Variants in SEMA3E observed in about 807,000 individuals in gnomAD.
SEMA3E encodes the protein semaphorin 3E, also known as semaphorin-3E.
Under a neutral mutation model 93.6 loss-of-function variants are expected in SEMA3E, and 49 were observed. That is an observed-to-expected ratio of 0.52 (90% CI 0.42 to 0.66). The LOEUF is 0.66. Among genes scored for constraint, SEMA3E ranks in the 30% least tolerant of loss-of-function variants. The pLI, the probability that SEMA3E is intolerant of heterozygous loss-of-function variation, is 0.00. For missense variants in SEMA3E, 906 were observed against 964.8 expected (o/e 0.94, Z 0.81); for synonymous variants, 363 against 330.7 (o/e 1.10, Z -1.06).
rs532180668 is a variant in SEMA3E at position 83,396,548 on chromosome 7, GA to G, written c.1458+89del. 0.011 allele frequency: 8,155 copies of G among 748,890 alleles called. 62 individuals are homozygous for G. Among genetic ancestry groups the G allele is most frequent in the Non-Finnish European group, 0.015 (6,646 of 433,860 alleles). The allele number at this position is 748,890 out of a possible 1,614,324, so 46.4% of individuals were successfully genotyped here. On this transcript the variant is annotated intron_variant, in intron 12 of 16. Transcript: ENST00000643230. ...CTGAATCCACAACATACCTGTTAGGGAAAAAAAAATGGACATAGTATCTTTC... is the reference window on the plus strand; with the variant it reads ...CTGAATCCACAACATACCTGTTAGGGAAAAAAAATGGACATAGTATCTTTC...
chr7:83,620,098 A>G (rs1281146172), intron 1 of SEMA3E, among the ~76,000 whole-genome samples: 2 of 151,968 alleles, frequency 1.3e-5, no homozygotes, highest in East Asian at 1.9e-4. Flanking sequence ...TTCTCATTTT[A>G]TATGGCCTCC....
At chr7:83,446,932 A>C (rs1789243314) in intron 4 of SEMA3E, among the ~76,000 whole-genome samples, 1 of 152,222 alleles carries the variant, frequency 6.6e-6, no homozygotes, top group Non-Finnish European at 1.5e-5. Context: ...CTATTTATTA[A>C]TATTCTTATT....
At chr7:83,557,533 T>C (rs1791944092) in intron 1 of SEMA3E, among the ~76,000 whole-genome samples, 1 of 152,002 alleles carries the variant, frequency 6.6e-6, no homozygotes, top group Non-Finnish European at 1.5e-5. Context: ...CCAAAGATCT[T>C]TTCATTAATA....
intron 1 of SEMA3E, among the ~76,000 whole-genome samples, chr7:83,510,098 A>G (rs569899436): frequency 4.1e-4 from 63 of 152,290 alleles, no homozygotes; most frequent in African/African-American, 1.5e-3. Context: ...GTTGATCCTC[A>G]CATTCTTGAG....
rs530195491 is a variant in SEMA3E, at chr7:83,412,842, A to C, written c.551-4355T>G. Among the ~76,000 whole-genome samples the C allele has an allele frequency of 8.5e-5, 13 of 152,098 alleles. No individual in the cohort carries two copies. The South Asian group carries it at 2.7e-3, about 32-fold the overall frequency. Reference sequence around the variant, plus strand: ...GAGAGAAAATATCAAACGAAAGAAAAGGCTATTGGGAATTTACGTGGATAA... The same window carrying C: ...GAGAGAAAATATCAAACGAAAGAAACGGCTATTGGGAATTTACGTGGATAA... On this transcript the variant is annotated intron_variant, in intron 5 of 16. Coordinates refer to ENST00000643230, the MANE Select transcript of SEMA3E (RefSeq NM_012431.3).
chr7:83,500,529 A>G (rs1790576607), intron 1 of SEMA3E, among the ~76,000 whole-genome samples: 1 of 152,016 alleles, frequency 6.6e-6, no homozygotes. Flanking sequence ...TGCTTTCAGT[A>G]GTACAATAGC....
chr7:83,631,081 G>T (rs1562862684), intron 1 of SEMA3E, among the ~76,000 whole-genome samples: 1 of 152,008 alleles, frequency 6.6e-6, no homozygotes, highest in Non-Finnish European at 1.5e-5. Context: ...AGCTATGATG[G>T]TATTTTAATT....
chr7:83,466,241 C>A (rs1295360876), intron 4 of SEMA3E, among the ~76,000 whole-genome samples: 1 of 152,072 alleles, frequency 6.6e-6, no homozygotes, highest in Non-Finnish European at 1.5e-5. Flanking sequence ...TCTTAGTGGG[C>A]AAATTAAGCA....
intron 1 of SEMA3E, among the ~76,000 whole-genome samples, chr7:83,596,076 C>T (rs911228376): frequency 3.3e-5 from 5 of 151,878 alleles, no homozygotes; most frequent in African/African-American, 1.2e-4. Context: ...GTTGTCTCTT[C>T]TCTCATTTAC....
At position 83,594,545 on chromosome 7, in the gene SEMA3E, G is replaced by A. The variant is rs1396207959; in HGVS notation, c.115+53883C>T. Among the ~76,000 whole-genome samples, 3 of 152,252 alleles carry A rather than the reference G, an allele frequency of 2.0e-5. No individual in the cohort carries two copies. The East Asian group carries it at 5.8e-4, about 29-fold the overall frequency. ...TATAGCGCTGTGCTGTAGAGAGGATGAGCGCAAACCTTCCTAGGTTTTTCT... is the reference window on the plus strand; with the variant it reads ...TATAGCGCTGTGCTGTAGAGAGGATAAGCGCAAACCTTCCTAGGTTTTTCT... On this transcript the variant is annotated intron_variant, in intron 1 of 16. Coordinates refer to ENST00000643230, the MANE Select transcript of SEMA3E (RefSeq NM_012431.3).
intron 1 of SEMA3E, among the ~76,000 whole-genome samples, chr7:83,623,239 A>C (rs1188147628): frequency 6.6e-6 from 1 of 152,170 alleles, no homozygotes; most frequent in East Asian, 1.9e-4. Flanking sequence ...TAAAAAGAAA[A>C]TAAAACTAGA....
rs546351562 is a variant in SEMA3E at position 83,366,524 on chromosome 7, T to C, written c.*1062A>G. Reference sequence around the variant, plus strand: ...CACAAATAAAACACGGTTGTTATAGTATATTTTAGATTTCAGCGAAGATTA... The same window carrying C: ...CACAAATAAAACACGGTTGTTATAGCATATTTTAGATTTCAGCGAAGATTA... On this transcript the variant is annotated 3_prime_UTR_variant, in exon 17 of 17. Coordinates refer to ENST00000643230, the MANE Select transcript of SEMA3E (RefSeq NM_012431.3). 2 of 152,204 alleles carry C rather than the reference T, an allele frequency of 1.3e-5. No homozygotes were observed. Among genetic ancestry groups the C allele is most frequent in the East Asian group, 3.9e-4 (2 of 5,184 alleles). The allele number at this position is 152,204 out of a possible 1,614,324, so 9.4% of individuals were successfully genotyped here. A position where few individuals can be genotyped will look rare whatever the true frequency, so the allele number is the denominator to read the frequency against.
chr7:83,646,665 C>T (rs111537086), intron 1 of SEMA3E, among the ~76,000 whole-genome samples: 18 of 152,160 alleles, frequency 1.2e-4, no homozygotes, highest in African/African-American at 3.9e-4. Flanking sequence ...CCACTCATAA[C>T]ATCAGTTACA....
At chr7:83,639,027 C>T (rs1054923325) in intron 1 of SEMA3E, among the ~76,000 whole-genome samples, 88 of 139,314 alleles carry the variant, frequency 6.3e-4, no homozygotes, top group South Asian at 1.2e-3. Context: ...AGGAGAATGG[C>T]GTGAACCCGG....
At chr7:83,592,165 G>C (rs1028607247) in intron 1 of SEMA3E, among the ~76,000 whole-genome samples, 3 of 151,878 alleles carry the variant, frequency 2.0e-5, no homozygotes, top group African/African-American at 4.8e-5. Flanking sequence ...TATAGTAACG[G>C]TTTTATTTTT....
At chr7:83,622,430 C>A (rs1232727870) in intron 1 of SEMA3E, among the ~76,000 whole-genome samples, 3 of 152,182 alleles carry the variant, frequency 2.0e-5, no homozygotes, top group Non-Finnish European at 4.4e-5. Context: ...GGCACTTCCT[C>A]AAAGATTTAG....
At chr7:83,522,678 G>A (rs1459281751) in intron 1 of SEMA3E, among the ~76,000 whole-genome samples, 1 of 152,018 alleles carries the variant, frequency 6.6e-6, no homozygotes, top group Non-Finnish European at 1.5e-5. Context: ...TAAGATCCAT[G>A]ACATTATTAA....
chr7:83,614,087 T>G (rs1032009189), intron 1 of SEMA3E, among the ~76,000 whole-genome samples: 1 of 152,102 alleles, frequency 6.6e-6, no homozygotes, highest in African/African-American at 2.4e-5. Context: ...GAGAGAAGAT[T>G]TTCTGTTTGT....
intron 4 of SEMA3E, among the ~76,000 whole-genome samples, chr7:83,457,319 G>C (rs1009474175): frequency 2.0e-5 from 3 of 152,074 alleles, no homozygotes; most frequent in Non-Finnish European, 4.4e-5. Flanking sequence ...CCCTCTCCTA[G>C]CTCCAGATTC....
Sources: allele counts gnomAD v4.1 joint callset (sites outside exome capture counted in the v4.1 genomes callset), GRCh38; gene constraint gnomAD v4.1.1; transcripts MANE v1.5; gene names NCBI Gene and HGNC (gene_info 2026-07-23, HGNC 2026-07-21).